TNKS: variants seen among roughly 807,000 people sequenced by gnomAD.
TNKS encodes the protein poly [ADP-ribose] polymerase tankyrase-1.
In TNKS, 72 loss-of-function variants were observed where a neutral mutation model predicts 135.8. The ratio of observed to expected loss-of-function variants is 0.53; its 90% confidence interval spans 0.44 to 0.64. The LOEUF (loss-of-function observed/expected upper bound fraction) is 0.64. Among genes scored for constraint, TNKS ranks in the 30% least tolerant of loss-of-function variants. TNKS has a pLI of 0.00. For missense variants in TNKS, 1,769 were observed against 1,674.0 expected (o/e 1.06, Z -0.99); for synonymous variants, 849 against 649.3 (o/e 1.31, Z -4.68).
intron 5 of TNKS, among the ~76,000 whole-genome samples, chr8:9,688,959 C>T (rs950317555): frequency 1.3e-5 from 2 of 152,020 alleles, no homozygotes; most frequent in African/African-American, 4.8e-5. Context: ...TTTTTCATGT[C>T]TGTACTTAGA....
intron 3 of TNKS, among the ~76,000 whole-genome samples, chr8:9,638,000 G>A (rs114830419): frequency 0.012 from 1,765 of 152,024 alleles, 33 homozygotes; most frequent in African/African-American, 0.04. Flanking sequence ...ATGGGATCTC[G>A]CTTTGTTGCC....
chr8:9,692,239 G>A (rs781590243), intron 5 of TNKS, among the ~76,000 whole-genome samples: 8 of 152,138 alleles, frequency 5.3e-5, no homozygotes, highest in Non-Finnish European at 8.8e-5. Flanking sequence ...TTTTCCCATC[G>A]TTGTGTTCAG....
rs1585328215 is a variant in TNKS, at chr8:9,687,439, T to C, written c.1107+6639T>C. Among the ~76,000 whole-genome samples, 4 of 152,372 alleles carry C rather than the reference T, an allele frequency of 2.6e-5. No individual in the cohort carries two copies. In the South Asian group the frequency reaches 8.3e-4, roughly 32 times the overall value. On this transcript the variant is annotated intron_variant, in intron 5 of 26. Transcript: ENST00000310430. ...TGGGATATATTGTATAAAATCTTTA[T>C]GCTTATGTATATTCATTTTGTACCA... is the stretch of plus-strand genomic sequence containing the variant.
intron 26 of TNKS, 56 bp from the exon 27 acceptor site, chr8:9,776,594 G>T: frequency 6.5e-7 from 1 of 1,532,944 alleles, no homozygotes; most frequent in Non-Finnish European, 9.0e-7. Context: ...ATTCGGCAAG[G>T]CTTTAATATT....
At chr8:9,658,831 A>G (rs992866935) in intron 3 of TNKS, among the ~76,000 whole-genome samples, 7 of 152,372 alleles carry the variant, frequency 4.6e-5, no homozygotes, top group African/African-American at 1.7e-4. Context: ...TGCTGTATTC[A>G]GGAAACCCAT....
At chr8:9,640,501 G>C (rs1316045126) in intron 3 of TNKS, among the ~76,000 whole-genome samples, 2 of 145,932 alleles carry the variant, frequency 1.4e-5, no homozygotes, top group Non-Finnish European at 3.0e-5. Flanking sequence ...TTTTTAGTCA[G>C]ACTATAATGT....
At chr8:9,742,359 C>CT (rs1381482853) in intron 17 of TNKS, among the ~76,000 whole-genome samples, 4 of 147,020 alleles carry the variant, frequency 2.7e-5, no homozygotes, top group Non-Finnish European at 4.5e-5. Context: ...GTGATAATAC[C>CT]TTTTTTTTGT....
rs557625792 is a variant in TNKS, at chr8:9,753,709, A to G, written c.3153+1083A>G. Among the ~76,000 whole-genome samples the G allele has an allele frequency of 7.9e-5, 12 of 152,328 alleles. No individual in the cohort carries two copies. The South Asian group carries it at 2.1e-3, about 26-fold the overall frequency. On this transcript the variant is annotated intron_variant, in intron 20 of 26. Transcript: ENST00000310430. Reference sequence around the variant, plus strand: ...TCCCAGGTGTAGGGATCACCCTTGTATAATAACACCCATGTTAGTCCTCCA... The same window carrying G: ...TCCCAGGTGTAGGGATCACCCTTGTGTAATAACACCCATGTTAGTCCTCCA...
At chr8:9,775,239 T>C (rs1317826624) in intron 26 of TNKS, among the ~76,000 whole-genome samples, 1 of 151,970 alleles carries the variant, frequency 6.6e-6, no homozygotes, top group African/African-American at 2.4e-5. Flanking sequence ...ATTAAGTGTA[T>C]GTCTTAAGAT....
chr8:9,730,148 TTTCA>T (rs575008821), intron 13 of TNKS, among the ~76,000 whole-genome samples: 40 of 152,298 alleles, frequency 2.6e-4, no homozygotes, highest in Admixed American at 5.9e-4. Flanking sequence ...TGATACAGTC[TTTCA>T]TTCCTTCCAT....
chr8:9,678,128 G>A (rs1331093192), intron 3 of TNKS, among the ~76,000 whole-genome samples: 2 of 152,190 alleles, frequency 1.3e-5, no homozygotes, highest in Non-Finnish European at 2.9e-5. Flanking sequence ...AGATGATAGT[G>A]TCTTTCGCGT....
At chr8:9,614,661 A>T (rs1799574739) in intron 2 of TNKS, among the ~76,000 whole-genome samples, 1 of 152,216 alleles carries the variant, frequency 6.6e-6, no homozygotes, top group Non-Finnish European at 1.5e-5. Context: ...GTAGTGCCTC[A>T]TAACTTACAA....
chr8:9,770,302 C>A, intron 26 of TNKS, 40 bp downstream of exon 26: 1 of 1,581,464 alleles, frequency 6.3e-7, no homozygotes. Flanking sequence ...AGTTCACAAA[C>A]ATGTCAATAG....
At chr8:9,617,097 C>A (rs529757854) in intron 3 of TNKS, among the ~76,000 whole-genome samples, 40 of 152,306 alleles carry the variant, frequency 2.6e-4, no homozygotes, top group Non-Finnish European at 4.6e-4. Context: ...ACATTTAATG[C>A]AACAACGCTT....
chr8:9,725,000 T>C (rs1585380305), intron 12 of TNKS, among the ~76,000 whole-genome samples: 1 of 152,154 alleles, frequency 6.6e-6, no homozygotes, highest in Non-Finnish European at 1.5e-5. Context: ...TTTGTTGAAA[T>C]GAAAAACTAA....
chr8:9,745,579 G>A (rs1283171474), intron 17 of TNKS, among the ~76,000 whole-genome samples: 1 of 151,892 alleles, frequency 6.6e-6, no homozygotes, highest in Non-Finnish European at 1.5e-5. Context: ...TAATTTTTGT[G>A]TATTTAGCAG....
At chr8:9,638,959 A>T (rs995043115) in intron 3 of TNKS, among the ~76,000 whole-genome samples, 1 of 152,174 alleles carries the variant, frequency 6.6e-6, no homozygotes, top group Non-Finnish European at 1.5e-5. Context: ...TTAAAAAGCG[A>T]TGGAAGTGAG....
At chr8:9,690,910 T>C (rs553510832) in intron 5 of TNKS, among the ~76,000 whole-genome samples, 18 of 152,200 alleles carry the variant, frequency 1.2e-4, no homozygotes, top group Non-Finnish European at 1.9e-4. Context: ...TCATAGAATC[T>C]TACTTGGATG....
chr8:9,612,671 T>C (rs574498645), intron 2 of TNKS, among the ~76,000 whole-genome samples: 1 of 152,312 alleles, frequency 6.6e-6, no homozygotes, highest in Admixed American at 6.5e-5. Flanking sequence ...TTAAATATTA[T>C]CTGTGGCTGC....
Sources: gnomAD v4.1 joint callset for allele counts (sites outside exome capture counted in the v4.1 genomes callset) on GRCh38, gnomAD v4.1.1 for gene constraint, MANE v1.5 for transcripts, NCBI Gene and HGNC (gene_info 2026-07-23, HGNC 2026-07-21) for gene names.